The following RIIAD1 variants were observed in gnomAD, a reference collection of about 807,000 sequenced individuals.
RIIAD1 encodes the protein regulatory subunit of type II PKA R-subunit domain containing 1.
RIIAD1 carries 15 observed loss-of-function variants against 13.3 expected under a neutral mutation model. That is an observed-to-expected ratio of 1.13 (90% CI 0.76 to 1.74). The LOEUF (loss-of-function observed/expected upper bound fraction) is 1.74, where lower values mean the gene tolerates loss of function less well. RIIAD1 is among the 40% of genes most tolerant of loss of function. The probability of loss-of-function intolerance (pLI) is 0.00; values close to 1 mark genes in which losing one functional copy is unlikely to be tolerated. For synonymous variants in RIIAD1, 50 were observed against 43.3 expected (o/e 1.16, Z -0.61); for missense variants, 121 against 112.2 (o/e 1.08, Z -0.35).
chr1:151,723,438 G>A (rs918648759), intron 2 of RIIAD1, among the ~76,000 whole-genome samples: 3 of 151,798 alleles, frequency 2.0e-5, no homozygotes, highest in African/African-American at 4.8e-5. Flanking sequence ...GTTGGCTCAC[G>A]CCTGTGATCC....
chr1:151,726,903 T>C (rs925373175), intron 2 of RIIAD1, among the ~76,000 whole-genome samples: 21 of 152,336 alleles, frequency 1.4e-4, no homozygotes, highest in Admixed American at 1.4e-3. Context: ...CTCAGGACAT[T>C]GTGGGGCTGC....
rs772796759 is a variant in RIIAD1, at chr1:151,716,042, G to A, written c.21+1513G>A. 1.8e-5 allele frequency: 29 copies of A among 1,598,250 alleles called. No homozygotes were observed. The South Asian group carries it at 3.3e-4, about 18-fold the overall frequency. ...TCATTGAGGCGGCCCAGGAGGAGGG[G>A]CCGAGGGGAGCAGGGAGAGGCCCAA... is the stretch of plus-strand genomic sequence containing the variant. On this transcript the variant is annotated intron_variant, in intron 4 of 8. Transcript: ENST00000326413.
intron 3 of RIIAD1, chr1:151,728,490 G>GGGGGTGA (rs947694417): frequency 3.3e-6 from 1 of 301,240 alleles, no homozygotes; most frequent in African/African-American, 4.9e-5. Context: ...GTGGGGGGTG[G>GGGGGTGA]GGGGTGGGGG....
chr1:151,716,168 G>T, intron 4 of RIIAD1: 1 of 759,676 alleles, frequency 1.3e-6, no homozygotes, highest in Non-Finnish European at 2.0e-6. Flanking sequence ...GCTAAGCAGA[G>T]GGGCGGCTCT....
chr1:151,717,087 T>C (rs1157842936), upstream of RIIAD1, among the ~76,000 whole-genome samples: 1 of 151,986 alleles, frequency 6.6e-6, no homozygotes, highest in African/African-American at 2.4e-5. Flanking sequence ...TGGGGTCCAT[T>C]GTTCCGGGGG....
At chr1:151,727,981 A>T (rs1673862873) in intron 3 of RIIAD1, among the ~76,000 whole-genome samples, 1 of 152,120 alleles carries the variant, frequency 6.6e-6, no homozygotes, top group South Asian at 2.1e-4. Flanking sequence ...AGTCCCCACC[A>T]CCAGAGAGTT....
chr1:151,725,505 T>C (rs992551890), intron 2 of RIIAD1, among the ~76,000 whole-genome samples: 1 of 152,204 alleles, frequency 6.6e-6, no homozygotes, highest in Non-Finnish European at 1.5e-5. Flanking sequence ...TGACATATCC[T>C]AAGCTGGATG....
chr1:151,715,802 C>A, intron 4 of RIIAD1: 1 of 1,595,400 alleles, frequency 6.3e-7, no homozygotes, highest in Non-Finnish European at 8.5e-7. Context: ...GCCGCTCCAC[C>A]CCTCCAGCCT....
chr1:151,717,065 G>A (rs1673539183), upstream of RIIAD1, among the ~76,000 whole-genome samples: 1 of 152,146 alleles, frequency 6.6e-6, no homozygotes, highest in Non-Finnish European at 1.5e-5. Context: ...AATTTATAGA[G>A]GAACCCTAAA....
At chr1:151,724,892 C>G (rs773018453) in intron 2 of RIIAD1, among the ~76,000 whole-genome samples, 2 of 151,620 alleles carry the variant, frequency 1.3e-5, no homozygotes, top group African/African-American at 4.9e-5. Flanking sequence ...CTCCGCCTCC[C>G]GTATTCACGC....
chr1:151,715,987 C>G, intron 4 of RIIAD1: 1 of 1,613,982 alleles, frequency 6.2e-7, no homozygotes, highest in Non-Finnish European at 8.5e-7. Context: ...GGGATCTGCC[C>G]CACAAACAGC....
intron 4 of RIIAD1, chr1:151,714,742 G>T (rs1182406883): frequency 1.7e-6 from 2 of 1,163,954 alleles, no homozygotes; most frequent in Non-Finnish European, 2.5e-6. Flanking sequence ...TCTCTGAAAG[G>T]CTCCCTTCCA....
chr1:151,728,942 A>G, intron 4 of RIIAD1, 49 bp downstream of exon 4: 1 of 686,570 alleles, frequency 1.5e-6, no homozygotes, highest in Non-Finnish European at 2.6e-6. Context: ...CTCTTGTGAA[A>G]ATAAGCTCTG....
chr1:151,728,678 C>A (rs1280470425), intron 3 of RIIAD1, 88 bp from the exon 4 acceptor site: 7 of 788,226 alleles, frequency 8.9e-6, no homozygotes, highest in South Asian at 1.5e-5. Flanking sequence ...GCCATCCTAA[C>A]TTTTTGGTGG....
At chr1:151,714,280 A>G in intron 3 of RIIAD1, 1 of 568,982 alleles carries the variant, frequency 1.8e-6, no homozygotes, top group Non-Finnish European at 3.1e-6. Flanking sequence ...GTGTCCAGAG[A>G]CTTTTCCCCA....
At chr1:151,713,020 A>G (rs557611986) in intron 2 of RIIAD1, among the ~76,000 whole-genome samples, 3 of 152,262 alleles carry the variant, frequency 2.0e-5, no homozygotes, top group African/African-American at 7.2e-5. Flanking sequence ...AGGGTCACAG[A>G]CATCTGCTCC....
intron 2 of RIIAD1, among the ~76,000 whole-genome samples, chr1:151,724,824 G>A (rs1673798266): frequency 6.6e-6 from 1 of 151,424 alleles, no homozygotes. Flanking sequence ...TTTTGAGACG[G>A]AGTCTCGCTC....
chr1:151,714,499 G>T (rs1260955823), exon 4 of RIIAD1: 1 of 866,168 alleles, frequency 1.2e-6, no homozygotes, highest in East Asian at 2.6e-5. Context: ...GATGAGAGGA[G>T]GTGGAAATTA....
chr1:151,716,010 G>A (rs1489792163), intron 4 of RIIAD1: 4 of 1,612,526 alleles, frequency 2.5e-6, no homozygotes, highest in East Asian at 2.2e-5. Flanking sequence ...GATGGCATCC[G>A]GCTCCTTCAT....
Sources: allele counts gnomAD v4.1 joint callset (sites outside exome capture counted in the v4.1 genomes callset), GRCh38; gene constraint gnomAD v4.1.1; transcripts MANE v1.5; gene names NCBI Gene and HGNC (gene_info 2026-07-23, HGNC 2026-07-21).